Variants in MAP4K5 observed in about 807,000 individuals in gnomAD.
MAP4K5 encodes MAPK/ERK kinase kinase kinase 5.
A neutral mutation model predicts 135.6 loss-of-function variants in MAP4K5; 82 were observed. The observed-to-expected ratio is 0.60, with a 90% CI of 0.51 to 0.73. MAP4K5 has a LOEUF of 0.73. MAP4K5 is among the 30% of genes least tolerant of loss of function. The pLI is 0.00. For synonymous variants in MAP4K5, 347 were observed against 335.0 expected (o/e 1.04, Z -0.39); for missense variants, 907 against 1,010.9 (o/e 0.90, Z 1.39).
At chr14:50,556,655 C>G (rs1294309169) in intron 1 of MAP4K5, among the ~76,000 whole-genome samples, 1 of 152,212 alleles carries the variant, frequency 6.6e-6, no homozygotes, top group Non-Finnish European at 1.5e-5. Flanking sequence ...CCTCCCACTC[C>G]TTTCTTCCAT....
chr14:50,420,898 G>C (rs10141220), intron 32 of MAP4K5, among the ~76,000 whole-genome samples: 131,271 of 151,408 alleles, frequency 0.87, 58,454 homozygotes, highest in Non-Finnish European at 0.96. Flanking sequence ...AAAAAAAAAA[G>C]AAGTACTATT....
Position 50,476,001 on chromosome 14 carries a change from A to G in MAP4K5, c.469+127T>C, listed in dbSNP as rs2037088764. The G allele has an allele frequency of 5.9e-6, 3 of 508,882 alleles. No homozygotes were observed. The African/African-American group carries it at 6.1e-5, about 10-fold the overall frequency. 31.5% of individuals were successfully genotyped at this position (508,882 alleles called of 1,614,324 possible). A position where few individuals can be genotyped will look rare whatever the true frequency, so the allele number is the denominator to read the frequency against. On this transcript the variant is annotated intron_variant, in intron 8 of 32. Transcript: ENST00000682126. ...AAAATTACTGGATCAAAAGTTAAAC[A>G]TTACTGCGACTCTTGATATGAAAAT...
intron 3 of MAP4K5, among the ~76,000 whole-genome samples, chr14:50,488,138 T>A (rs1262250337): frequency 6.6e-6 from 1 of 152,110 alleles, no homozygotes; most frequent in Non-Finnish European, 1.5e-5. Flanking sequence ...CTTACAATCA[T>A]GGCAGAAGGG....
At chr14:50,457,160 T>C (rs190681765) in intron 13 of MAP4K5, among the ~76,000 whole-genome samples, 59 of 152,142 alleles carry the variant, frequency 3.9e-4, no homozygotes, top group African/African-American at 1.4e-3. Context: ...GGTGATGAGA[T>C]GACAAAGATG....
intron 8 of MAP4K5, 118 bp from the exon 9 acceptor site, chr14:50,475,267 C>T (rs1202724812): frequency 9.4e-6 from 7 of 742,786 alleles, no homozygotes; most frequent in East Asian, 8.1e-5. Flanking sequence ...GAAAAATGCG[C>T]ATAAATTGAA....
intron 2 of MAP4K5, among the ~76,000 whole-genome samples, chr14:50,539,449 C>G (rs2038534336): frequency 6.6e-6 from 1 of 152,188 alleles, no homozygotes; most frequent in Non-Finnish European, 1.5e-5. Flanking sequence ...AATCCATTAT[C>G]TCTCATAGCT....
intron 14 of MAP4K5, chr14:50,449,123 T>A (rs2036426546): frequency 3.3e-6 from 1 of 305,984 alleles, no homozygotes; most frequent in Non-Finnish European, 5.9e-6. Flanking sequence ...AATAAATGAC[T>A]AAGTAAAAAC....
chr14:50,471,059 G>GT (rs1411667335), intron 9 of MAP4K5, among the ~76,000 whole-genome samples: 1 of 151,948 alleles, frequency 6.6e-6, no homozygotes, highest in African/African-American at 2.4e-5. Context: ...GGATGTACAG[G>GT]TTTTTTACAC....
chr14:50,506,217 G>A (rs1485055902), intron 2 of MAP4K5, among the ~76,000 whole-genome samples: 1 of 152,090 alleles, frequency 6.6e-6, no homozygotes, highest in Non-Finnish European at 1.5e-5. Flanking sequence ...AGGAATAGAA[G>A]AATGATAAAG....
intron 1 of MAP4K5, among the ~76,000 whole-genome samples, chr14:50,546,990 C>T (rs1015025335): frequency 6.6e-5 from 10 of 152,080 alleles, no homozygotes; most frequent in Non-Finnish European, 1.2e-4. Flanking sequence ...CTCCCCTAGC[C>T]CCCCACCCCC....
intron 2 of MAP4K5, among the ~76,000 whole-genome samples, chr14:50,519,063 A>G (rs1170146914): frequency 6.6e-6 from 1 of 152,218 alleles, no homozygotes. Context: ...CAATAAAGAA[A>G]TATTGGAGAC....
In MAP4K5 at chr14:50,501,638, T is replaced by C. The variant is rs1398922707; in HGVS notation, c.166+3162A>G. ...CCCAAGTATACCAGTTCTATCCATTTGTTGTATGCCACATAAATATAAACA... is the reference window on the plus strand; with the variant it reads ...CCCAAGTATACCAGTTCTATCCATTCGTTGTATGCCACATAAATATAAACA... On this transcript the variant is annotated intron_variant, in intron 3 of 32. Coordinates refer to ENST00000682126, the MANE Select transcript of MAP4K5 (RefSeq NM_006575.6). 2.0e-5 allele frequency among the ~76,000 whole-genome samples: 3 copies of C among 152,286 alleles called. No individual in the cohort carries two copies. The East Asian group carries it at 5.8e-4, about 29-fold the overall frequency.
intron 13 of MAP4K5, among the ~76,000 whole-genome samples, chr14:50,461,144 G>A (rs1050518517): frequency 6.6e-5 from 10 of 151,986 alleles, no homozygotes; most frequent in South Asian, 4.1e-4. Context: ...TCCTGCCTCA[G>A]CCTCCCAAGT....
chr14:50,525,553 T>C (rs868553340), intron 2 of MAP4K5, among the ~76,000 whole-genome samples: 7 of 152,240 alleles, frequency 4.6e-5, no homozygotes, highest in South Asian at 4.1e-4. Flanking sequence ...GTTTCTCTAG[T>C]CCGGGCACAG....
In MAP4K5 at chr14:50,455,195, T is replaced by G. The variant is rs370666375; in HGVS notation, c.1015+1321A>C. On this transcript the variant is annotated intron_variant, in intron 14 of 32. Transcript: ENST00000682126. ...AGTTGAATCCATACTTCTTACCTTC[T>G]ACCAAATAATGTATATCAGGTTTTT... is the stretch of plus-strand genomic sequence containing the variant. 2.5e-3 allele frequency among the ~76,000 whole-genome samples: 380 copies of G among 152,076 alleles called. 3 individuals are homozygous for G. Among genetic ancestry groups the G allele is most frequent in the Non-Finnish European group, 4.6e-3 (310 of 67,898 alleles).
chr14:50,532,347 G>T, intron 1 of MAP4K5, 101 bp downstream of exon 1: 1 of 322,252 alleles, frequency 3.1e-6, no homozygotes, highest in Non-Finnish European at 5.7e-6. Context: ...GGCCGCCCGC[G>T]AACTGCCCGA....
At chr14:50,496,500 A>T (rs1419904265) in intron 3 of MAP4K5, among the ~76,000 whole-genome samples, 1 of 151,948 alleles carries the variant, frequency 6.6e-6, no homozygotes, top group Non-Finnish European at 1.5e-5. Context: ...ATATATTATT[A>T]TATATATATT....
upstream of MAP4K5, among the ~76,000 whole-genome samples, chr14:50,535,680 A>G (rs189393309): frequency 5.6e-4 from 86 of 152,350 alleles, no homozygotes; most frequent in Non-Finnish European, 8.1e-4. Flanking sequence ...ATGGCAATAG[A>G]ACATGTATCT....
chr14:50,527,444 T>C (rs2038291927), intron 2 of MAP4K5, among the ~76,000 whole-genome samples: 1 of 151,926 alleles, frequency 6.6e-6, no homozygotes, highest in South Asian at 2.1e-4. Flanking sequence ...TTGTAGAATA[T>C]TTAACGACTA....
Sources: allele counts gnomAD v4.1 joint callset (sites outside exome capture counted in the v4.1 genomes callset), GRCh38; gene constraint gnomAD v4.1.1; transcripts MANE v1.5; gene names NCBI Gene and HGNC (gene_info 2026-07-23, HGNC 2026-07-21).